The following DMD variants were observed in gnomAD, a reference collection of about 807,000 sequenced individuals.
DMD encodes mutant dystrophin.
A neutral mutation model predicts 330.1 loss-of-function variants in DMD; 63 were observed. That is an observed-to-expected ratio of 0.19 (90% confidence interval 0.16 to 0.24). DMD has a LOEUF of 0.24. Among genes scored for constraint, DMD ranks in the 10% least tolerant of loss-of-function variants. The pLI is 1.00. For synonymous variants in DMD, 1,223 were observed against 959.8 expected, an observed-to-expected ratio of 1.27 and a Z score of -5.07; for missense variants, 3,344 against 2,684.1, an observed-to-expected ratio of 1.25 and a Z score of -5.43.
chrX:31,204,221 C>T, intron 66 of DMD, 103 bp from the exon 67 acceptor site: 1 of 709,528 alleles, frequency 1.4e-6, no homozygotes. Flanking sequence ...TCAAGAGTAG[C>T]CAGTATTTCC....
intron 4 of DMD, among the ~76,000 whole-genome samples, chrX:32,836,686 T>C (rs963598908): frequency 8.0e-5 from 9 of 111,886 alleles, no homozygotes; most frequent in Non-Finnish European, 1.3e-4. Flanking sequence ...CTCATGGGTT[T>C]TCATATGGAA....
Position 31,393,279 on chromosome X carries a change from C to A in DMD, c.9085-44645G>T, listed in dbSNP as rs147145016. ...GATCACAAGATCAGGAGTTCGAGACCAGCCTGGCCAAATATGGTGAAACCC... is the reference window on the plus strand; with the variant it reads ...GATCACAAGATCAGGAGTTCGAGACAAGCCTGGCCAAATATGGTGAAACCC... On this transcript the variant is annotated intron_variant, in intron 60 of 78. Coordinates refer to ENST00000357033, the MANE Select transcript of DMD (RefSeq NM_004006.3). Among the ~76,000 whole-genome samples the A allele has an allele frequency of 8.8e-3, 976 of 110,440 alleles. 12 individuals are homozygous for A. The highest frequency in any genetic ancestry group is 0.03 in the African/African-American group (905 of 30,380).
At chrX:32,039,576 TCA>T (rs1195854776) in intron 44 of DMD, among the ~76,000 whole-genome samples, 1 of 111,625 alleles carries the variant, frequency 9.0e-6, no homozygotes, top group African/African-American at 3.3e-5. Flanking sequence ...AGTAGGATAT[TCA>T]CAGTGAGTAA....
intron 9 of DMD, among the ~76,000 whole-genome samples, chrX:32,652,811 C>G (rs1240264141): frequency 9.0e-6 from 1 of 111,720 alleles, no homozygotes; most frequent in Non-Finnish European, 1.9e-5. Flanking sequence ...TCTCCACATC[C>G]TCTCCAGCAC....
intron 55 of DMD, among the ~76,000 whole-genome samples, chrX:31,577,241 G>A (rs1404030508): frequency 3.6e-5 from 4 of 112,389 alleles, no homozygotes; most frequent in African/African-American, 1.3e-4. Flanking sequence ...TTATTCAATA[G>A]GCATTCGTTG....
chrX:32,485,250 C>T, intron 20 of DMD, 151 bp from the exon 21 acceptor site: 1 of 530,411 alleles, frequency 1.9e-6, no homozygotes, highest in South Asian at 2.8e-5. Context: ...ATAGACAAGC[C>T]TCTATCACCA....
At position 33,112,825 on chromosome X, in the gene DMD, T is replaced by A. The variant is rs949113195; in HGVS notation, c.32-92625A>T. Among the ~76,000 whole-genome samples, 9 of 108,445 alleles carry A rather than the reference T, an allele frequency of 8.3e-5. No homozygotes were observed. The East Asian group carries it at 2.4e-3, about 29-fold the overall frequency. 94.2% of individuals were successfully genotyped at this position (108,445 alleles called of 115,157 possible). ...AATATCGGCCAGGCGCGGTGGCTCG[T>A]GCCTGTAATCCCAGCACTTTGGGAG... On this transcript the variant is annotated intron_variant, in intron 1 of 78. Transcript: ENST00000357033.
Position 31,444,492 on chromosome X carries a change from T to G in DMD, c.9073A>C (p.Lys3025Gln), listed in dbSNP as rs745982132. 4 of 1,210,015 alleles carry G rather than the reference T, an allele frequency of 3.3e-6. No individual in the cohort carries two copies. The highest frequency in any genetic ancestry group is 4.5e-6 in the Non-Finnish European group (4 of 895,210). The change falls in exon 60 of 79, where the codon AAG (lysine) becomes CAG (glutamine). Residue 3025 changes from lysine (K) to glutamine (Q), a missense_variant. By Grantham distance (53) the Lys-to-Gln change is moderately conservative (BLOSUM62 1). Coordinates refer to ENST00000357033, the MANE Select transcript of DMD (RefSeq NM_004006.3). ...TACAATGTGCTTACCTGCAGAAGCT[T>G]CCATCTGGTGTTCAGGTCTTCCAGA... ...STLEDLNTRW[K>Q]LLQVAVEDRV... is the part of the protein sequence containing the mutation.
At chrX:32,870,978 AAAAAAAAAAAC>A (rs2082927225) in intron 2 of DMD, among the ~76,000 whole-genome samples, 1 of 83,709 alleles carries the variant, frequency 1.2e-5, no homozygotes, top group Non-Finnish European at 2.4e-5. Flanking sequence ...AAAAAAAAAA[AAAAAAAAAAAC>A]CACAAAACCC....
intron 45 of DMD, among the ~76,000 whole-genome samples, chrX:31,961,707 A>G (rs1311388262): frequency 4.6e-5 from 5 of 109,298 alleles, no homozygotes. Flanking sequence ...GGGAAAAAAA[A>G]TAAGGGGAAA....
intron 7 of DMD, among the ~76,000 whole-genome samples, chrX:32,702,026 G>T (rs756303520): frequency 6.3e-5 from 7 of 111,781 alleles, no homozygotes; most frequent in African/African-American, 2.3e-4. Flanking sequence ...AATTTTTGAA[G>T]AAAGGAATTT....
intron 60 of DMD, among the ~76,000 whole-genome samples, chrX:31,410,845 T>G (rs1286832116): frequency 9.2e-6 from 1 of 109,035 alleles, no homozygotes; most frequent in East Asian, 2.8e-4. Flanking sequence ...TTCAAGCGAT[T>G]CTTCCACATC....
intron 45 of DMD, among the ~76,000 whole-genome samples, chrX:31,950,119 A>AAAT (rs1443227016): frequency 1.8e-5 from 2 of 111,246 alleles, no homozygotes; most frequent in Admixed American, 1.9e-4. Flanking sequence ...TTCTTTTCTA[A>AAAT]AATAGGTATT....
chrX:32,946,963 G>T (rs190607335), intron 2 of DMD, among the ~76,000 whole-genome samples: 23 of 112,317 alleles, frequency 2.0e-4, no homozygotes, highest in African/African-American at 7.1e-4. Flanking sequence ...GAGGACCATT[G>T]AGCTTGTTAG....
chrX:33,190,902 TAATATATAATATTATATATATAATATTA>T lies in DMD; in HGVS notation c.31+20352_31+20379del, dbSNP rs2050536464. ...ATAATATATAATATTATATATTATA[TAATATATAATATTATATATATAATATTA>T]TATATATATATAATATATAATATTA... On this transcript the variant is annotated intron_variant, in intron 1 of 78. Transcript: ENST00000357033. 0.013 allele frequency among the ~76,000 whole-genome samples: 11 copies of T among 819 alleles called. No individual in the cohort carries two copies. In the East Asian group the frequency reaches 0.3, roughly 23 times the overall value. 0.7% of individuals were successfully genotyped at this position (819 alleles called of 115,157 possible).
chrX:31,179,917 T>C lies in DMD; in HGVS notation c.10086+453A>G, dbSNP rs755334859. 3.6e-5 allele frequency among the ~76,000 whole-genome samples: 4 copies of C among 111,809 alleles called. No individual in the cohort carries two copies. The Admixed American group carries it at 3.8e-4, about 11-fold the overall frequency. On this transcript the variant is annotated intron_variant, in intron 69 of 78. Coordinates refer to ENST00000357033, the MANE Select transcript of DMD (RefSeq NM_004006.3). ...GCCTAGCATTTAGTAAGTGTTAGCA[T>C]ATAAAATGGATTTTTAAAATGTCAC... is the stretch of plus-strand genomic sequence containing the variant.
chrX:31,384,344 CTACTACTACT>C (rs2060344344), intron 60 of DMD, among the ~76,000 whole-genome samples: 1 of 110,545 alleles, frequency 9.0e-6, no homozygotes, highest in Non-Finnish European at 1.9e-5. Flanking sequence ...ACTACTACTA[CTACTACTACT>C]ACTACTACTT....
intron 2 of DMD, among the ~76,000 whole-genome samples, chrX:32,872,080 G>C (rs1052168323): frequency 9.0e-6 from 1 of 111,394 alleles, no homozygotes; most frequent in Non-Finnish European, 1.9e-5. Flanking sequence ...GTGACATGGG[G>C]ATAGAGACCA....
chrX:32,507,480 T>G (rs969339470), intron 18 of DMD, among the ~76,000 whole-genome samples: 3 of 111,948 alleles, frequency 2.7e-5, no homozygotes, highest in African/African-American at 9.7e-5. Context: ...TTAATATTAC[T>G]AACAGAGAAC....
Sources: gnomAD v4.1 joint callset for allele counts (sites outside exome capture counted in the v4.1 genomes callset) on GRCh38, gnomAD v4.1.1 for gene constraint, MANE v1.5 for transcripts, NCBI Gene and HGNC (gene_info 2026-07-23, HGNC 2026-07-21) for gene names.